Variants in NAALADL2 observed in about 807,000 individuals in gnomAD.
The protein encoded by NAALADL2 is N-acetylated alpha-linked acidic dipeptidase like 2.
A neutral mutation model predicts 87.2 loss-of-function variants in NAALADL2; 76 were observed. The ratio of observed to expected loss-of-function variants is 0.87; its 90% confidence interval spans 0.72 to 1.05. The LOEUF (loss-of-function observed/expected upper bound fraction) is 1.05. Ranked by LOEUF, NAALADL2 falls within the 50% of genes least tolerant of loss-of-function variation. NAALADL2 has a pLI of 0.00. For missense variants in NAALADL2, 1,089 were observed against 945.8 expected (o/e 1.15, Z -1.99); for synonymous variants, 354 against 331.0 (o/e 1.07, Z -0.75).
At chr3:174,849,309 T>A (rs1337422214) in intron 3 of NAALADL2, among the ~76,000 whole-genome samples, 1 of 152,240 alleles carries the variant, frequency 6.6e-6, no homozygotes, top group Non-Finnish European at 1.5e-5. Context: ...ATTGATTCTG[T>A]TGTAATAACA....
At chr3:175,410,296 T>A (rs1297497079) in intron 5 of NAALADL2, among the ~76,000 whole-genome samples, 3 of 152,190 alleles carry the variant, frequency 2.0e-5, no homozygotes, top group Non-Finnish European at 4.4e-5. Flanking sequence ...GTACATACAC[T>A]ATTTTAATAG....
intron 2 of NAALADL2, among the ~76,000 whole-genome samples, chr3:174,556,104 T>A (rs544419123): frequency 1.3e-5 from 2 of 152,188 alleles, no homozygotes; most frequent in Admixed American, 6.5e-5. Flanking sequence ...AACTTTTCTT[T>A]TAATATCACA....
intron 11 of NAALADL2, among the ~76,000 whole-genome samples, chr3:175,649,041 T>G (rs1730396688): frequency 6.6e-6 from 1 of 152,206 alleles, no homozygotes; most frequent in African/African-American, 2.4e-5. Context: ...AGCTTAATTC[T>G]TATTGTTTGC....
At chr3:175,159,961 C>G (rs1691193639) in intron 2 of NAALADL2, among the ~76,000 whole-genome samples, 1 of 150,254 alleles carries the variant, frequency 6.7e-6, no homozygotes, top group African/African-American at 2.4e-5. Context: ...GTCAGCCTTC[C>G]TAGTAGCTGG....
chr3:175,696,175 G>A (rs371082296), intron 11 of NAALADL2, among the ~76,000 whole-genome samples: 2 of 151,998 alleles, frequency 1.3e-5, no homozygotes, highest in South Asian at 2.1e-4. Flanking sequence ...ATTCAAAAAC[G>A]TTTATGTAAT....
chr3:175,190,853 C>T (rs1160744463), intron 2 of NAALADL2, among the ~76,000 whole-genome samples: 1 of 151,840 alleles, frequency 6.6e-6, no homozygotes, highest in Non-Finnish European at 1.5e-5. Flanking sequence ...TGGCGGGCGC[C>T]TGTAGTCCCA....
intron 1 of NAALADL2, among the ~76,000 whole-genome samples, chr3:174,516,249 G>A (rs1484306930): frequency 6.6e-6 from 1 of 151,954 alleles, no homozygotes; most frequent in Non-Finnish European, 1.5e-5. Flanking sequence ...ATTTGTTAAT[G>A]ACATTAGTCA....
At chr3:175,727,266 T>C (rs1189434100) in intron 11 of NAALADL2, among the ~76,000 whole-genome samples, 3 of 152,162 alleles carry the variant, frequency 2.0e-5, no homozygotes, top group Non-Finnish European at 4.4e-5. Flanking sequence ...AACAGCAGTT[T>C]CTCAGCACGC....
chr3:174,483,808 T>C (rs1331727445), intron 1 of NAALADL2, among the ~76,000 whole-genome samples: 1 of 151,974 alleles, frequency 6.6e-6, no homozygotes, highest in Non-Finnish European at 1.5e-5. Context: ...GACTGATTTG[T>C]TCATCAAAAG....
At chr3:175,071,289 AT>A (rs1381836834) in intron 1 of NAALADL2, among the ~76,000 whole-genome samples, 1 of 152,142 alleles carries the variant, frequency 6.6e-6, no homozygotes. Flanking sequence ...ATGCTAAGAT[AT>A]TTTAAATATG....
chr3:174,520,910 A>G (rs1236797288), intron 1 of NAALADL2, among the ~76,000 whole-genome samples: 1 of 152,214 alleles, frequency 6.6e-6, no homozygotes, highest in African/African-American at 2.4e-5. Context: ...GAAACATGAA[A>G]AAATGCTCAA....
Position 175,016,085 on chromosome 3 carries a change from C to T in NAALADL2, c.44-80705C>T, listed in dbSNP as rs184836538. Among the ~76,000 whole-genome samples, 218 of 151,484 alleles carry T rather than the reference C, an allele frequency of 1.4e-3. 1 individual carries two copies. The highest frequency in any genetic ancestry group is 4.9e-3 in the African/African-American group (204 of 41,420). ...GATATTCTGAATAGTACAATATTCACCTGAAACTCCTTCAGTATTTCTCAA... is the reference window on the plus strand; with the variant it reads ...GATATTCTGAATAGTACAATATTCATCTGAAACTCCTTCAGTATTTCTCAA... On this transcript the variant is annotated intron_variant, in intron 1 of 13. Coordinates refer to ENST00000454872, the MANE Select transcript of NAALADL2 (RefSeq NM_207015.3).
intron 2 of NAALADL2, among the ~76,000 whole-genome samples, chr3:175,123,901 T>C (rs1726523150): frequency 6.6e-6 from 1 of 152,062 alleles, no homozygotes; most frequent in African/African-American, 2.4e-5. Flanking sequence ...CTATATGTTA[T>C]TCAATTTTTG....
chr3:175,400,231 C>T (rs964551202), intron 5 of NAALADL2, among the ~76,000 whole-genome samples: 1 of 152,062 alleles, frequency 6.6e-6, no homozygotes, highest in Non-Finnish European at 1.5e-5. Flanking sequence ...GATAATTTGT[C>T]CTGTTTCTCC....
intron 13 of NAALADL2, among the ~76,000 whole-genome samples, chr3:175,766,604 G>T (rs1223498092): frequency 2.0e-5 from 3 of 152,108 alleles, no homozygotes; most frequent in Non-Finnish European, 2.9e-5. Flanking sequence ...AATCATGTTA[G>T]ACATTTTAGC....
At chr3:175,588,139 A>G (rs1720814768) in intron 10 of NAALADL2, among the ~76,000 whole-genome samples, 2 of 152,188 alleles carry the variant, frequency 1.3e-5, no homozygotes, top group Non-Finnish European at 2.9e-5. Context: ...GAGTATGCCA[A>G]AAGACAGTAA....
At chr3:175,636,929 A>G (rs1288304620) in intron 11 of NAALADL2, among the ~76,000 whole-genome samples, 1 of 152,196 alleles carries the variant, frequency 6.6e-6, no homozygotes, top group Non-Finnish European at 1.5e-5. Flanking sequence ...TGTCAGAAAC[A>G]TTTGAATGCA....
intron 2 of NAALADL2, among the ~76,000 whole-genome samples, chr3:174,568,544 A>G (rs2108528291): frequency 6.6e-6 from 1 of 152,012 alleles, no homozygotes. Flanking sequence ...GGGCTGTAAG[A>G]AGGCAATGCA....
intron 2 of NAALADL2, among the ~76,000 whole-genome samples, chr3:174,722,941 G>A (rs890128036): frequency 6.6e-6 from 1 of 152,148 alleles, no homozygotes; most frequent in Non-Finnish European, 1.5e-5. Flanking sequence ...GTGGCTAGCA[G>A]ATACCATCTT....
Sources: allele counts gnomAD v4.1 joint callset (sites outside exome capture counted in the v4.1 genomes callset), GRCh38; gene constraint gnomAD v4.1.1; transcripts MANE v1.5; gene names NCBI Gene and HGNC (gene_info 2026-07-23, HGNC 2026-07-21).